TRMT44: variants seen among roughly 807,000 people sequenced by gnomAD.
The protein encoded by TRMT44 is tRNA methyltransferase 44 homolog.
In TRMT44, 78 loss-of-function variants were observed where a neutral mutation model predicts 77.3. The observed-to-expected ratio is 1.01, with a 90% confidence interval of 0.84 to 1.22. The LOEUF (loss-of-function observed/expected upper bound fraction) is 1.22. Among genes scored for constraint, TRMT44 ranks in the 50% most tolerant of loss-of-function variants. The pLI is 0.00. For synonymous variants in TRMT44, 391 were observed against 383.3 expected, an observed-to-expected ratio of 1.02 and a Z score of -0.23; for missense variants, 1,090 against 964.4, an observed-to-expected ratio of 1.13 and a Z score of -1.73.
chr4:8,483,697 C>G (rs1333412376), intron 2 of TRMT44, among the ~76,000 whole-genome samples: 1 of 152,158 alleles, frequency 6.6e-6, no homozygotes, highest in African/African-American at 2.4e-5. Context: ...TACTAAGAGC[C>G]TGAAAAACTG....
chr4:8,505,415 T>C, the TRMT44 span, among the ~76,000 whole-genome samples: 1 of 152,150 alleles, frequency 6.6e-6, no homozygotes, highest in Non-Finnish European at 1.5e-5. Context: ...CTCTGCCACC[T>C]TGACCTCCCA....
chr4:8,465,204 C>A (rs890246245), intron 7 of TRMT44, among the ~76,000 whole-genome samples, 174 bp from the exon 8 acceptor site: 1 of 152,154 alleles, frequency 6.6e-6, no homozygotes. Context: ...ACACATACCC[C>A]CTGAAGCTGA....
At chr4:8,471,877 C>T (rs1361534934) in intron 10 of TRMT44, among the ~76,000 whole-genome samples, 1 of 152,238 alleles carries the variant, frequency 6.6e-6, no homozygotes, top group Non-Finnish European at 1.5e-5. Context: ...GGTGCTCACC[C>T]AGGTGCCAGT....
intron 2 of TRMT44, among the ~76,000 whole-genome samples, chr4:8,490,275 A>G (rs1396491260): frequency 1.3e-5 from 2 of 152,230 alleles, no homozygotes; most frequent in Non-Finnish European, 2.9e-5. Context: ...TCTTGGTCTC[A>G]CTGACTTCAA....
chr4:8,467,293 C>T (rs1027947259), intron 8 of TRMT44, among the ~76,000 whole-genome samples: 4 of 152,150 alleles, frequency 2.6e-5, no homozygotes, highest in African/African-American at 9.7e-5. Flanking sequence ...GAATGAGGGG[C>T]GGCAGCGGGA....
intron 2 of TRMT44, among the ~76,000 whole-genome samples, chr4:8,491,167 C>T (rs1431059863): frequency 6.6e-6 from 1 of 151,786 alleles, no homozygotes; most frequent in Non-Finnish European, 1.5e-5. Flanking sequence ...ATTTACAATC[C>T]CTGAGCTAGA....
intron 7 of TRMT44, 73 bp downstream of exon 7, chr4:8,464,164 G>A: frequency 8.1e-7 from 1 of 1,233,888 alleles, no homozygotes; most frequent in Non-Finnish European, 1.2e-6. Context: ...GTCCAAAAGG[G>A]TAGCCACTAG....
chr4:8,475,585 T>A (rs1161750464), intron 10 of TRMT44, among the ~76,000 whole-genome samples, 187 bp from the exon 11 acceptor site: 1 of 152,160 alleles, frequency 6.6e-6, no homozygotes, highest in Admixed American at 6.5e-5. Flanking sequence ...TGAAGACACA[T>A]CCCATACCTC....
downstream of TRMT44, among the ~76,000 whole-genome samples, chr4:8,498,156 C>T: frequency 6.6e-6 from 1 of 152,152 alleles, no homozygotes; most frequent in East Asian, 1.9e-4. The surrounding 1 kb of genome is among the most constrained non-coding windows in gnomAD (Gnocchi z 4.3). Flanking sequence ...CCTCAATTTT[C>T]AGTAGTTTGG....
At position 8,463,938 on chromosome 4, in the gene TRMT44, C is replaced by T. The variant is rs781081049; in HGVS notation, c.1204-47C>T. 3.5e-5 allele frequency: 54 copies of T among 1,541,436 alleles called. No homozygotes were observed. In the Admixed American group the frequency reaches 8.7e-4, roughly 25 times the overall value. On this transcript the variant is annotated intron_variant, in intron 6 of 10. Transcript: ENST00000389737. ...GCCATGTCCTGCCCACGCAGTAGCTCTACAATGATTCACAAAACATTTCGT... is the reference window on the plus strand; with the variant it reads ...GCCATGTCCTGCCCACGCAGTAGCTTTACAATGATTCACAAAACATTTCGT...
In TRMT44 at chr4:8,451,280, T is replaced by C. The variant is rs1340417794; in HGVS notation, c.955-680T>C. ...CGTCCAGAAGGTACTTTTTATGTTT[T>C]TCCAGCTTTTGAAATTGTTTCTAGT... On this transcript the variant is annotated intron_variant, in intron 3 of 10. Coordinates refer to ENST00000389737, the MANE Select transcript of TRMT44 (RefSeq NM_152544.3). This position sits in a 1 kb window ranked among gnomAD's most constrained non-coding sequence, Gnocchi z 4.1. Among the ~76,000 whole-genome samples, 3 of 152,218 alleles carry C rather than the reference T, an allele frequency of 2.0e-5. No homozygotes were observed. The highest frequency in any genetic ancestry group is 4.8e-5 in the African/African-American group (2 of 41,446).
intron 2 of TRMT44, among the ~76,000 whole-genome samples, chr4:8,487,053 A>G (rs1279970862): frequency 6.6e-6 from 1 of 152,112 alleles, no homozygotes; most frequent in Non-Finnish European, 1.5e-5. Context: ...CTAGGAAGGG[A>G]CTGATGTGTA....
Position 8,456,805 on chromosome 4 carries a change from A to T in TRMT44, c.1203+1992A>T, listed in dbSNP as rs1725837144. ...GATGATTTGATAGTTTTAGAAAGTG[A>T]CTTGGGTTGTAAAAATATCTAGATA... On this transcript the variant is annotated intron_variant, in intron 6 of 10. Transcript: ENST00000389737. Among the ~76,000 whole-genome samples, 5 of 152,330 alleles carry T rather than the reference A, an allele frequency of 3.3e-5. No homozygotes were observed. In the South Asian group the frequency reaches 1.0e-3, roughly 32 times the overall value.
rs1357117837 is a variant in TRMT44 at position 8,475,758 on chromosome 4, G to C, written c.2045-14G>C. ...GTTTACTTCTCAGTGTGTCTTCTCT[G>C]TTCCAAACCACAGTTGTGAATGGGA... On this transcript the variant is annotated splice_polypyrimidine_tract_variant and intron_variant, in intron 10 of 10. Coordinates refer to ENST00000389737, the MANE Select transcript of TRMT44 (RefSeq NM_152544.3). The C allele has an allele frequency of 6.2e-7, 1 of 1,613,546 alleles. No homozygotes were observed. Among genetic ancestry groups the C allele is most frequent in the East Asian group, 2.2e-5 (1 of 44,892 alleles).
At chr4:8,486,782 C>A (rs1727820447) in intron 2 of TRMT44, among the ~76,000 whole-genome samples, 1 of 152,172 alleles carries the variant, frequency 6.6e-6, no homozygotes, top group Non-Finnish European at 1.5e-5. Flanking sequence ...GGGAGGGCTA[C>A]TCACGGAATG....
intron 3 of TRMT44, among the ~76,000 whole-genome samples, chr4:8,450,404 C>T (rs1451085265): frequency 1.3e-5 from 2 of 149,052 alleles, no homozygotes; most frequent in Admixed American, 6.7e-5. Context: ...TTTCAAGAGA[C>T]CTAAAGGGAA....
At position 8,476,159 on chromosome 4, in the gene TRMT44, C is replaced by T; in HGVS notation, c.*158C>T. The T allele has an allele frequency of 5.9e-6, 4 of 679,034 alleles. 1 individual carries two copies. Among genetic ancestry groups the T allele is most frequent in the African/African-American group, 1.8e-5 (1 of 55,428 alleles). 42.1% of individuals were successfully genotyped at this position (679,034 alleles called of 1,614,324 possible). On this transcript the variant is annotated 3_prime_UTR_variant, in exon 11 of 11. Coordinates refer to ENST00000389737, the MANE Select transcript of TRMT44 (RefSeq NM_152544.3). Reference sequence around the variant, plus strand: ...ACAGTGATGAACCGTATTTCATAAACATCACACGCCAGAGAAGCCACAGTT... The same window carrying T: ...ACAGTGATGAACCGTATTTCATAAATATCACACGCCAGAGAAGCCACAGTT...
intron 2 of TRMT44, among the ~76,000 whole-genome samples, chr4:8,489,323 T>C (rs1030592714): frequency 2.0e-5 from 3 of 152,188 alleles, no homozygotes; most frequent in East Asian, 3.8e-4. Flanking sequence ...GAAACACCTA[T>C]GCAAAAATTC....
At chr4:8,515,403 C>T in the TRMT44 span, among the ~76,000 whole-genome samples, 1 of 152,342 alleles carries the variant, frequency 6.6e-6, no homozygotes, top group East Asian at 1.9e-4. Context: ...CCTGGCTTTG[C>T]CCCTGCGGCA....
Sources: gnomAD v4.1 joint callset for allele counts (sites outside exome capture counted in the v4.1 genomes callset) on GRCh38, gnomAD v4.1.1 for gene constraint, Gnocchi (gnomAD v3.1) non-coding constraint, MANE v1.5 for transcripts, NCBI Gene and HGNC (gene_info 2026-07-23, HGNC 2026-07-21) for gene names.